ADAMTSL1: variants seen among roughly 807,000 people sequenced by gnomAD.
ADAMTSL1 encodes the protein ADAMTS-like protein 1.
Under a neutral mutation model 201.8 loss-of-function variants are expected in ADAMTSL1, and 126 were observed. That is an observed-to-expected ratio of 0.62 (90% CI 0.54 to 0.72). ADAMTSL1 has a LOEUF of 0.72. ADAMTSL1 is among the 30% of genes least tolerant of loss of function. The pLI is 0.00. For missense variants in ADAMTSL1, 2,679 were observed against 2,277.8 expected, an observed-to-expected ratio of 1.18 and a Z score of -3.59; for synonymous variants, 1,121 against 903.4, an observed-to-expected ratio of 1.24 and a Z score of -4.32.
rs546548172 is a variant in ADAMTSL1, at chr9:18,519,282, A to G, written c.192-13965A>G. ...TAAACCTTCTTGCCTTGCACAGAGTAGGTATCTAGTCACTGTTAGGTGAAT... is the reference window on the plus strand; with the variant it reads ...TAAACCTTCTTGCCTTGCACAGAGTGGGTATCTAGTCACTGTTAGGTGAAT... On this transcript the variant is annotated intron_variant, in intron 2 of 28. Transcript: ENST00000380548. 3.9e-4 allele frequency among the ~76,000 whole-genome samples: 59 copies of G among 152,344 alleles called. 1 individual carries two copies. Among genetic ancestry groups the G allele is most frequent in the African/African-American group, 1.2e-3 (49 of 41,572 alleles).
rs143464835 is a variant in ADAMTSL1 at position 17,976,847 on chromosome 9, T to C, written c.87+69925T>C. Among the ~76,000 whole-genome samples, 14 of 152,032 alleles carry C rather than the reference T, an allele frequency of 9.2e-5. No individual in the cohort carries two copies. The East Asian group carries it at 2.5e-3, about 27-fold the overall frequency. The stretch of plus-strand genomic sequence containing the variant: ...TATTTTGTTTTTCTTGCCTAGTTGC[T>C]CGGGCTATGACTATCAATACAATTT... On this transcript the variant is annotated intron_variant, in intron 1 of 29. Transcript: ENST00000680146.
chr9:17,909,147 C>A (rs10963328), intron 1 of ADAMTSL1, among the ~76,000 whole-genome samples: 1 of 136,522 alleles, frequency 7.3e-6, no homozygotes, highest in Non-Finnish European at 1.6e-5. Flanking sequence ...TCATGTCCTT[C>A]GCCCACTTTT....
At chr9:18,258,091 G>T (rs1443603314) in intron 2 of ADAMTSL1, among the ~76,000 whole-genome samples, 1 of 152,100 alleles carries the variant, frequency 6.6e-6, no homozygotes, top group Admixed American at 6.5e-5. Flanking sequence ...CTGCTAAGTT[G>T]TACTCTTAAA....
intron 1 of ADAMTSL1, among the ~76,000 whole-genome samples, chr9:17,995,731 C>T (rs943716261): frequency 6.6e-6 from 1 of 151,820 alleles, no homozygotes; most frequent in Non-Finnish European, 1.5e-5. Context: ...AGAGAAGATA[C>T]ATTTATAATT....
intron 1 of ADAMTSL1, among the ~76,000 whole-genome samples, chr9:18,119,840 A>G (rs925648784): frequency 4.6e-5 from 7 of 152,166 alleles, no homozygotes; most frequent in African/African-American, 1.7e-4. Flanking sequence ...ACAGAAAGAC[A>G]TTGATAAAAC....
intron 5 of ADAMTSL1, among the ~76,000 whole-genome samples, chr9:18,634,549 A>G (rs1034355104): frequency 6.6e-6 from 1 of 151,268 alleles, no homozygotes; most frequent in Admixed American, 6.6e-5. Flanking sequence ...ATCTCAAAAT[A>G]ATAATAAGGG....
At chr9:18,221,430 G>C (rs1830256584) in intron 2 of ADAMTSL1, among the ~76,000 whole-genome samples, 1 of 152,094 alleles carries the variant, frequency 6.6e-6, no homozygotes, top group Non-Finnish European at 1.5e-5. Context: ...TGAGTTGTGT[G>C]TTGAAACATC....
chr9:18,221,024 T>G (rs945863209), intron 2 of ADAMTSL1, among the ~76,000 whole-genome samples: 1 of 152,194 alleles, frequency 6.6e-6, no homozygotes, highest in Non-Finnish European at 1.5e-5. Context: ...ACCCACCCTC[T>G]TTGGCCTCCC....
At chr9:18,460,427 A>T (rs1180765338) in intron 2 of ADAMTSL1, among the ~76,000 whole-genome samples, 3 of 152,068 alleles carry the variant, frequency 2.0e-5, no homozygotes, top group Non-Finnish European at 4.4e-5. Context: ...ACCAAGGGGG[A>T]CTATCCTCTT....
At chr9:18,545,569 C>T (rs995888333) in intron 3 of ADAMTSL1, among the ~76,000 whole-genome samples, 1 of 152,082 alleles carries the variant, frequency 6.6e-6, no homozygotes, top group East Asian at 1.9e-4. Flanking sequence ...AAATTAAATA[C>T]AGCAGAAAAA....
intron 12 of ADAMTSL1, among the ~76,000 whole-genome samples, chr9:18,682,840 GA>G (rs1296707335): frequency 5.3e-5 from 8 of 151,218 alleles, no homozygotes; most frequent in Admixed American, 5.3e-4. Context: ...GATATAAAAG[GA>G]AACAAAAAAA....
chr9:18,555,718 G>A (rs1045221389), intron 3 of ADAMTSL1, among the ~76,000 whole-genome samples: 4 of 151,978 alleles, frequency 2.6e-5, no homozygotes, highest in African/African-American at 9.7e-5. Context: ...CTTGAGCTTT[G>A]AAGGAGTTAA....
intron 14 of ADAMTSL1, among the ~76,000 whole-genome samples, chr9:18,710,606 T>C (rs2133352507): frequency 6.6e-6 from 1 of 152,072 alleles, no homozygotes; most frequent in South Asian, 2.1e-4. Context: ...ATTGGTGTCT[T>C]TCTAGAAATG....
chr9:18,157,411 T>TC (rs1827203308), intron 1 of ADAMTSL1, among the ~76,000 whole-genome samples: 1 of 152,006 alleles, frequency 6.6e-6, no homozygotes, highest in African/African-American at 2.4e-5. Flanking sequence ...ATAAGTTTGT[T>TC]CCCCCCATAA....
chr9:18,244,550 C>G (rs1831187461), intron 2 of ADAMTSL1, among the ~76,000 whole-genome samples: 1 of 152,044 alleles, frequency 6.6e-6, no homozygotes, highest in African/African-American at 2.4e-5. Flanking sequence ...TTGCTTCCTC[C>G]TCTTTACCCA....
At chr9:18,603,762 A>G (rs1337054716) in intron 4 of ADAMTSL1, among the ~76,000 whole-genome samples, 4 of 152,292 alleles carry the variant, frequency 2.6e-5, no homozygotes, top group Admixed American at 6.5e-5. Context: ...TACTTCAGGG[A>G]CATTAAATAC....
In ADAMTSL1 at chr9:18,207,477, G is replaced by C. The variant is rs149606376; in HGVS notation, c.207+43496G>C. The stretch of plus-strand genomic sequence containing the variant: ...GTCTACTGGCTAATCAATGGTGCTT[G>C]GTCAAATAGTTAGGTACAACTCATT... On this transcript the variant is annotated intron_variant, in intron 2 of 29. Transcript: ENST00000680146. 5.0e-3 allele frequency among the ~76,000 whole-genome samples: 756 copies of C among 152,198 alleles called. 5 individuals are homozygous for C. Among genetic ancestry groups the C allele is most frequent in the African/African-American group, 0.017 (708 of 41,526 alleles).
At chr9:18,253,041 T>C (rs1426147067) in intron 2 of ADAMTSL1, among the ~76,000 whole-genome samples, 1 of 152,244 alleles carries the variant, frequency 6.6e-6, no homozygotes, top group Non-Finnish European at 1.5e-5. Flanking sequence ...TATGGAATAC[T>C]GTGCCGCTAT....
At chr9:17,957,891 C>A (rs1827991810) in intron 1 of ADAMTSL1, among the ~76,000 whole-genome samples, 1 of 152,114 alleles carries the variant, frequency 6.6e-6, no homozygotes, top group African/African-American at 2.4e-5. Flanking sequence ...TTTTCTAGAT[C>A]CTTCAGAGGA....
Sources: allele counts gnomAD v4.1 joint callset (sites outside exome capture counted in the v4.1 genomes callset), GRCh38; gene constraint gnomAD v4.1.1; transcripts MANE v1.5; gene names NCBI Gene and HGNC (gene_info 2026-07-23, HGNC 2026-07-21).